The following PLCL1 variants were observed in gnomAD, a reference collection of about 807,000 sequenced individuals.
PLCL1 encodes the protein inactive phospholipase C-like protein 1.
In PLCL1, 41 loss-of-function variants were observed where a neutral mutation model predicts 84.4. The ratio of observed to expected loss-of-function variants is 0.49; its 90% CI spans 0.38 to 0.63. The LOEUF is 0.63. PLCL1 is among the 30% of genes least tolerant of loss of function. PLCL1 has a pLI of 0.00. For missense variants in PLCL1, 1,206 were observed against 1,367.8 expected, an observed-to-expected ratio of 0.88 and a Z score of 1.87; for synonymous variants, 490 against 488.3, an observed-to-expected ratio of 1.00 and a Z score of -0.05.
At chr2:198,060,547 C>T (rs1273576700) in intron 1 of PLCL1, among the ~76,000 whole-genome samples, 1 of 152,170 alleles carries the variant, frequency 6.6e-6, no homozygotes, top group African/African-American at 2.4e-5. Context: ...TACAGTTCAC[C>T]ATCGTGCTGT....
At position 197,903,714 on chromosome 2, in the gene PLCL1, G is replaced by A. The variant is rs187413447; in HGVS notation, c.240+98375G>A. ...GAGACAGGGTTTCACCGTGTTAGCC[G>A]GGATGGTCTCGATCTCCTGACCTCG... On this transcript the variant is annotated intron_variant, in intron 1 of 5. Transcript: ENST00000428675. 6.3e-3 allele frequency among the ~76,000 whole-genome samples: 893 copies of A among 141,894 alleles called. 10 individuals carry two copies. The highest frequency in any genetic ancestry group is 0.023 in the African/African-American group (858 of 37,530). 93.1% of individuals were successfully genotyped at this position (141,894 alleles called of 152,430 possible). A position where few individuals can be genotyped will look rare whatever the true frequency, so the allele number is the denominator to read the frequency against.
chr2:198,056,478 A>G (rs188106717), intron 1 of PLCL1, among the ~76,000 whole-genome samples: 46 of 152,292 alleles, frequency 3.0e-4, no homozygotes, highest in African/African-American at 1.1e-3. Context: ...TTTGAGCCAG[A>G]TTTGAATCTC....
chr2:198,025,770 C>T (rs1405046516), intron 1 of PLCL1, among the ~76,000 whole-genome samples: 1 of 152,140 alleles, frequency 6.6e-6, no homozygotes, highest in Non-Finnish European at 1.5e-5. Flanking sequence ...GGGAAAACTC[C>T]TATGTAAACA....
intron 1 of PLCL1, among the ~76,000 whole-genome samples, chr2:198,006,314 G>A (rs889697952): frequency 1.3e-5 from 2 of 152,160 alleles, no homozygotes; most frequent in Non-Finnish European, 2.9e-5. Context: ...GGGCATGTGT[G>A]CTTGCATACC....
chr2:198,025,849 T>A (rs749254039), intron 1 of PLCL1, among the ~76,000 whole-genome samples: 89 of 152,174 alleles, frequency 5.8e-4, no homozygotes, highest in Non-Finnish European at 1.1e-3. Context: ...TTTCTGAAAA[T>A]CTTAAAAATT....
chr2:197,866,377 C>T (rs1157246063), intron 1 of PLCL1, among the ~76,000 whole-genome samples: 2 of 151,470 alleles, frequency 1.3e-5, no homozygotes, highest in Non-Finnish European at 2.9e-5. Context: ...AGTTATGTTT[C>T]CTAGTACTTT....
chr2:197,915,064 C>T (rs1688565326), intron 1 of PLCL1, among the ~76,000 whole-genome samples: 1 of 152,154 alleles, frequency 6.6e-6, no homozygotes, highest in Admixed American at 6.5e-5. Context: ...GCCAAAATAC[C>T]ATTTAGAGTT....
At chr2:198,109,533 G>A (rs867325650) in intron 5 of PLCL1, among the ~76,000 whole-genome samples, 2 of 151,968 alleles carry the variant, frequency 1.3e-5, no homozygotes, top group South Asian at 4.1e-4. Flanking sequence ...CACTTACGTA[G>A]CCAACATATT....
chr2:197,936,339 T>G (rs945803219), intron 1 of PLCL1, among the ~76,000 whole-genome samples: 4 of 152,186 alleles, frequency 2.6e-5, no homozygotes, highest in Non-Finnish European at 4.4e-5. Context: ...TAAACCTCCA[T>G]TGTTTTCCAT....
intron 3 of PLCL1, among the ~76,000 whole-genome samples, chr2:198,100,115 G>A (rs945839700): frequency 2.6e-5 from 4 of 152,078 alleles, no homozygotes; most frequent in Non-Finnish European, 5.9e-5. Context: ...ACACACATAT[G>A]TGGGTAGCAG....
chr2:197,835,610 C>T (rs780100315), intron 1 of PLCL1, among the ~76,000 whole-genome samples: 1 of 152,130 alleles, frequency 6.6e-6, no homozygotes, highest in Non-Finnish European at 1.5e-5. Context: ...TGGAGCCAAA[C>T]GCTTTCTGTC....
intron 3 of PLCL1, among the ~76,000 whole-genome samples, chr2:198,089,929 A>G (rs989096432): frequency 3.9e-5 from 6 of 152,224 alleles, no homozygotes; most frequent in South Asian, 2.1e-4. Context: ...CTCTTTAAAA[A>G]TAGTACCTCT....
chr2:198,005,555 A>G (rs1327316576), intron 1 of PLCL1, among the ~76,000 whole-genome samples: 1 of 152,266 alleles, frequency 6.6e-6, no homozygotes, highest in Non-Finnish European at 1.5e-5. Context: ...TAGGTCCTGC[A>G]GTCCTGTTCA....
intron 1 of PLCL1, among the ~76,000 whole-genome samples, chr2:197,998,411 GGT>G (rs1690520429): frequency 6.6e-6 from 1 of 151,944 alleles, no homozygotes; most frequent in Admixed American, 6.6e-5. Flanking sequence ...ATGTGTGAGG[GGT>G]GTGTGTAGGG....
intron 1 of PLCL1, among the ~76,000 whole-genome samples, chr2:197,875,817 A>G (rs968830964): frequency 1.3e-5 from 2 of 151,994 alleles, no homozygotes; most frequent in Non-Finnish European, 2.9e-5. Context: ...TAGATAGTTG[A>G]TACATTTTAT....
At chr2:197,863,782 G>A (rs1013711670) in intron 1 of PLCL1, among the ~76,000 whole-genome samples, 2 of 152,084 alleles carry the variant, frequency 1.3e-5, no homozygotes, top group African/African-American at 4.8e-5. Flanking sequence ...GTCATCCCGT[G>A]TATAAACAAT....
intron 1 of PLCL1, among the ~76,000 whole-genome samples, chr2:198,047,755 T>C (rs1326323542): frequency 2.6e-5 from 4 of 152,232 alleles, no homozygotes; most frequent in South Asian, 2.1e-4. Context: ...CACAAGATGA[T>C]ACATTGGTAA....
intron 1 of PLCL1, among the ~76,000 whole-genome samples, chr2:198,060,152 G>GA (rs1363724242): frequency 2.6e-5 from 4 of 151,980 alleles, no homozygotes. Context: ...TAAAAATGAA[G>GA]AAATCAGAAA....
At chr2:197,942,358 C>T (rs1336688090) in intron 1 of PLCL1, among the ~76,000 whole-genome samples, 2 of 152,112 alleles carry the variant, frequency 1.3e-5, no homozygotes, top group Non-Finnish European at 1.5e-5. Flanking sequence ...AAATTCATTC[C>T]TCCGTATTGC....
Sources: gnomAD v4.1 joint callset for allele counts (sites outside exome capture counted in the v4.1 genomes callset) on GRCh38, gnomAD v4.1.1 for gene constraint, MANE v1.5 for transcripts, NCBI Gene and HGNC (gene_info 2026-07-23, HGNC 2026-07-21) for gene names.